Variants in TBC1D2B observed in about 807,000 individuals in gnomAD.
TBC1D2B encodes the protein TBC1 domain family member 2B.
TBC1D2B carries 64 observed loss-of-function variants against 100.8 expected under a neutral mutation model. The observed-to-expected ratio is 0.64, with a 90% CI of 0.52 to 0.78. The LOEUF is 0.78. Ranked by LOEUF, TBC1D2B falls within the 30% of genes least tolerant of loss-of-function variation. The pLI, the probability that TBC1D2B is intolerant of heterozygous loss-of-function variation, is 0.00. For missense variants in TBC1D2B, 1,052 were observed against 1,218.4 expected (o/e 0.86, Z 2.03); for synonymous variants, 480 against 479.7 (o/e 1.00, Z -0.01).
rs1017872495 is a variant in TBC1D2B, at chr15:78,030,038, T to C, written c.816A>G (p.Glu272=). Residue 272 remains glutamate, a synonymous_variant, in exon 4 of 13, where the codon GAA becomes GAG. Transcript: ENST00000300584. ...KDLEESIVQE[E]KKKLTPEGNK... is the part of the protein sequence containing the mutation. ...TTCCTTCAGGGGTCAGCTTCTTCTT[T>C]TCTTCCTGTACTATGGACTCCTCTA... The C allele has an allele frequency of 5.6e-6, 9 of 1,609,984 alleles. No individual in the cohort carries two copies. In the African/African-American group the frequency reaches 1.1e-4, roughly 19 times the overall value.
chr15:78,030,765 C>T (rs1294506522), intron 3 of TBC1D2B, among the ~76,000 whole-genome samples: 6 of 152,086 alleles, frequency 3.9e-5, no homozygotes, highest in African/African-American at 1.4e-4. Flanking sequence ...CAAGGAGACA[C>T]AAGCAAAAAC....
chr15:78,026,714 G>A (rs751572221), intron 4 of TBC1D2B, among the ~76,000 whole-genome samples: 1 of 151,950 alleles, frequency 6.6e-6, no homozygotes, highest in African/African-American at 2.4e-5. Flanking sequence ...TCGGGAGTTC[G>A]AGACCAGCCT....
At chr15:78,048,006 T>G (rs567760398) in intron 2 of TBC1D2B, among the ~76,000 whole-genome samples, 7 of 152,202 alleles carry the variant, frequency 4.6e-5, no homozygotes, top group Non-Finnish European at 1.0e-4. Flanking sequence ...TCTTCCTGTG[T>G]GGGCTAGTAG....
At position 78,044,997 on chromosome 15, in the gene TBC1D2B, C is replaced by T; in HGVS notation, c.586G>A (p.Gly196Arg). ...RNVLAVETVPGELVGEQAANQ... is the reference protein window; with the variant it reads ...RNVLAVETVPRELVGEQAANQ... ...GCAGCTTGTTCTCCCACCAGCTCTC[C>T]AGGCACAGTCTCCACAGCTAGGACA... The change falls in exon 3 of 13, where the codon GGA (glycine) becomes AGA (arginine). Residue 196 changes from glycine (G) to arginine (R), a missense_variant. Physicochemically the swap from Gly to Arg is moderately radical, Grantham distance 125. Around this residue, in one of 4 missense-constraint regions of TBC1D2B, gnomAD observed 627 missense variants for 646.1 expected, o/e 0.97. Transcript: ENST00000300584. 1 of 1,613,850 alleles carries T rather than the reference C, an allele frequency of 6.2e-7. No individual in the cohort carries two copies. Among genetic ancestry groups the T allele is most frequent in the Non-Finnish European group, 8.5e-7 (1 of 1,179,786 alleles).
intron 3 of TBC1D2B, among the ~76,000 whole-genome samples, chr15:78,039,708 T>C (rs973468891): frequency 6.6e-6 from 1 of 151,922 alleles, no homozygotes; most frequent in Admixed American, 6.6e-5. Context: ...TTCTTATTTA[T>C]AACCTTAACA....
In TBC1D2B at chr15:78,035,880, T is replaced by C. The variant is rs79116672; in HGVS notation, c.684-5710A>G. ...AGTAAGGGCTAACAAGTTTGGACAT[T>C]CCAGATAAGTGCCTATATAATGTGT... On this transcript the variant is annotated intron_variant, in intron 3 of 12. Transcript: ENST00000300584. Among the ~76,000 whole-genome samples, 976 of 152,286 alleles carry C rather than the reference T, an allele frequency of 6.4e-3. 17 individuals are homozygous for C. Among genetic ancestry groups the C allele is most frequent in the African/African-American group, 0.022 (929 of 41,554 alleles).
intron 9 of TBC1D2B, among the ~76,000 whole-genome samples, chr15:78,011,644 G>GTTTT (rs773624522): frequency 7.8e-6 from 1 of 127,550 alleles, no homozygotes; most frequent in African/African-American, 3.0e-5. Context: ...CTAATTTTTT[G>GTTTT]GTTTTTTTTT....
At chr15:78,013,743 G>C (rs906808805) in intron 8 of TBC1D2B, among the ~76,000 whole-genome samples, 1 of 151,852 alleles carries the variant, frequency 6.6e-6, no homozygotes, top group Non-Finnish European at 1.5e-5. Flanking sequence ...AAAAAACAAA[G>C]AATGTATTTA....
chr15:78,060,965 G>T (rs1255513418), intron 1 of TBC1D2B, among the ~76,000 whole-genome samples: 1 of 151,926 alleles, frequency 6.6e-6, no homozygotes, highest in Non-Finnish European at 1.5e-5. Context: ...ATAATAATAG[G>T]CCAGGCACAG....
chr15:78,049,777 T>TA (rs1416866356), intron 2 of TBC1D2B, among the ~76,000 whole-genome samples: 1 of 151,922 alleles, frequency 6.6e-6, no homozygotes, highest in African/African-American at 2.4e-5. Flanking sequence ...AACTGCAATC[T>TA]AACCCCACTC....
intron 3 of TBC1D2B, among the ~76,000 whole-genome samples, chr15:78,040,900 A>AAGAAAGAAAGAAAGAGAGAGAGAG (rs1567026354): frequency 6.8e-6 from 1 of 147,246 alleles, no homozygotes. Flanking sequence ...GAGAGAAAGA[A>AAGAAAGAAAGAAAGAGAGAGAGAG]AGAAAGAAAG....
rs2071804333 is a variant in TBC1D2B at position 77,997,885 on chromosome 15, T to C, written c.*275A>G. The C allele has an allele frequency of 3.2e-6, 1 of 310,834 alleles. No homozygotes were observed. Among genetic ancestry groups the C allele is most frequent in the Non-Finnish European group, 5.9e-6 (1 of 169,700 alleles). 19.3% of individuals were successfully genotyped at this position (310,834 alleles called of 1,614,324 possible). A position where few individuals can be genotyped will look rare whatever the true frequency, so the allele number is the denominator to read the frequency against. On this transcript the variant is annotated 3_prime_UTR_variant, in exon 13 of 13. Coordinates refer to ENST00000300584, the MANE Select transcript of TBC1D2B (RefSeq NM_144572.2). ...GAGGCTGGAAACAGGCTCTTGCAAATAGCCACTGGTAAGCCTGAGGATCCA... is the reference window on the plus strand; with the variant it reads ...GAGGCTGGAAACAGGCTCTTGCAAACAGCCACTGGTAAGCCTGAGGATCCA...
intron 3 of TBC1D2B, among the ~76,000 whole-genome samples, chr15:78,042,133 A>C (rs575324750): frequency 2.6e-5 from 4 of 152,214 alleles, no homozygotes; most frequent in Non-Finnish European, 5.9e-5. Flanking sequence ...GTGATCTGTC[A>C]GCTGTGACAG....
intron 10 of TBC1D2B, among the ~76,000 whole-genome samples, chr15:78,007,283 G>T (rs1484117595): frequency 6.6e-6 from 1 of 152,232 alleles, no homozygotes; most frequent in Non-Finnish European, 1.5e-5. Context: ...CTGAATACCT[G>T]AGTGAGACAG....
At chr15:78,011,640 TTTTGG>T (rs376110605) in intron 9 of TBC1D2B, among the ~76,000 whole-genome samples, 147 of 4,180 alleles carry the variant, frequency 0.035, no homozygotes, top group South Asian at 0.096. Context: ...CCAGCTAATT[TTTTGG>T]TTTTTTTTTT....
Position 77,998,004 on chromosome 15 carries a change from C to T in TBC1D2B, c.*156G>A, listed in dbSNP as rs894751367. On this transcript the variant is annotated 3_prime_UTR_variant, in exon 13 of 13. Transcript: ENST00000300584. ...GATTAGACCTCCCACCCCTGCCCCCCGCACAGTGGGAAATGAGGAAGGGCA... is the reference window on the plus strand; with the variant it reads ...GATTAGACCTCCCACCCCTGCCCCCTGCACAGTGGGAAATGAGGAAGGGCA... 5.7e-5 allele frequency: 38 copies of T among 665,966 alleles called. No homozygotes were observed. Among genetic ancestry groups the T allele is most frequent in the Non-Finnish European group, 7.0e-5 (29 of 414,118 alleles). The allele number at this position is 665,966 out of a possible 1,614,324, so 41.3% of individuals were successfully genotyped here. A position where few individuals can be genotyped will look rare whatever the true frequency, so the allele number is the denominator to read the frequency against.
chr15:78,058,348 C>T (rs1567032853), intron 1 of TBC1D2B, among the ~76,000 whole-genome samples: 1 of 152,190 alleles, frequency 6.6e-6, no homozygotes, highest in Non-Finnish European at 1.5e-5. Context: ...ACACCATTGC[C>T]CTTCTACAGC....
chr15:78,076,635 C>T (rs1294294896), intron 1 of TBC1D2B, among the ~76,000 whole-genome samples: 1 of 152,018 alleles, frequency 6.6e-6, no homozygotes. Flanking sequence ...ACCTGTGGTC[C>T]CAGCTACTTG....
At chr15:78,065,317 T>C (rs1050648147) in intron 1 of TBC1D2B, among the ~76,000 whole-genome samples, 1 of 152,156 alleles carries the variant, frequency 6.6e-6, no homozygotes, top group African/African-American at 2.4e-5. Flanking sequence ...GAAGAGCAAA[T>C]GTGAGTTCAC....
Sources: gnomAD v4.1 joint callset for allele counts (sites outside exome capture counted in the v4.1 genomes callset) on GRCh38, gnomAD v4.1.1 for gene constraint, gnomAD v4.1.1 regional missense constraint, MANE v1.5 for transcripts, NCBI Gene and HGNC (gene_info 2026-07-23, HGNC 2026-07-21) for gene names.